The following DLG2 variants were observed in gnomAD, a reference collection of about 807,000 sequenced individuals.
The protein encoded by DLG2 is disks large homolog 2.
Under a neutral mutation model 132.5 loss-of-function variants are expected in DLG2, and 45 were observed. The observed-to-expected ratio is 0.34, with a 90% CI of 0.27 to 0.44. The LOEUF is 0.44. DLG2 is among the 20% of genes least tolerant of loss of function. The pLI, the probability that DLG2 is intolerant of heterozygous loss-of-function variation, is 1.00. For missense variants in DLG2, 1,045 were observed against 1,196.9 expected, an observed-to-expected ratio of 0.87 and a Z score of 1.87; for synonymous variants, 424 against 419.6, an observed-to-expected ratio of 1.01 and a Z score of -0.13.
intron 21 of DLG2, among the ~76,000 whole-genome samples, chr11:83,521,282 C>G (rs1425434401): frequency 6.6e-6 from 1 of 152,214 alleles, no homozygotes; most frequent in Non-Finnish European, 1.5e-5. Context: ...TTTCCAGTAT[C>G]CACAAAGAAT....
At chr11:84,795,450 G>C (rs2074453040) in intron 6 of DLG2, among the ~76,000 whole-genome samples, 1 of 151,866 alleles carries the variant, frequency 6.6e-6, no homozygotes, top group African/African-American at 2.4e-5. Flanking sequence ...TCCCTGCTGA[G>C]AGCTGGACAC....
intron 7 of DLG2, among the ~76,000 whole-genome samples, chr11:84,416,361 T>C (rs538085385): frequency 5.3e-5 from 8 of 152,194 alleles, no homozygotes; most frequent in Non-Finnish European, 1.2e-4. Flanking sequence ...GAGATGTCTA[T>C]GGATGTACAG....
intron 3 of DLG2, among the ~76,000 whole-genome samples, chr11:85,553,493 A>G (rs2076777383): frequency 6.6e-6 from 1 of 150,376 alleles, no homozygotes; most frequent in Non-Finnish European, 1.5e-5. Context: ...ATCTGTTTGT[A>G]TTTTTGGTAG....
At chr11:83,905,190 T>A (rs997485052) in intron 15 of DLG2, among the ~76,000 whole-genome samples, 1 of 152,158 alleles carries the variant, frequency 6.6e-6, no homozygotes, top group African/African-American at 2.4e-5. Flanking sequence ...CTCACATTGA[T>A]CCTATTGGGT....
chr11:85,527,057 C>T (rs1196678329), intron 3 of DLG2, among the ~76,000 whole-genome samples: 2 of 151,926 alleles, frequency 1.3e-5, no homozygotes, highest in African/African-American at 4.8e-5. Context: ...TTAAAATGGG[C>T]AAGAGTCTTG....
rs576053455 is a variant in DLG2, at chr11:83,637,547, A to C, written c.1826-4222T>G. On this transcript the variant is annotated intron_variant, in intron 18 of 27. Coordinates refer to ENST00000376104, the MANE Select transcript of DLG2 (RefSeq NM_001142699.3). ...ACAAAAGTCATAGAGCTACTAGGTA[A>C]CAGAGCTCATTGAACATGGAGCTAG... is the stretch of plus-strand genomic sequence containing the variant. Among the ~76,000 whole-genome samples, 32 of 152,104 alleles carry C rather than the reference A, an allele frequency of 2.1e-4. 1 individual carries two copies. The South Asian group carries it at 6.4e-3, about 31-fold the overall frequency.
At chr11:83,611,283 G>T (rs187272190) in intron 19 of DLG2, among the ~76,000 whole-genome samples, 1 of 152,178 alleles carries the variant, frequency 6.6e-6, no homozygotes. Flanking sequence ...TATTGAGAAG[G>T]GGGGAAGGGG....
At chr11:84,074,836 C>G (rs1377219664) in intron 10 of DLG2, among the ~76,000 whole-genome samples, 1 of 152,068 alleles carries the variant, frequency 6.6e-6, no homozygotes, top group Non-Finnish European at 1.5e-5. Flanking sequence ...CCCACAGTTT[C>G]TAATTTTTAA....
chr11:83,746,176 C>T (rs1298068030), intron 18 of DLG2, among the ~76,000 whole-genome samples: 4 of 152,228 alleles, frequency 2.6e-5, no homozygotes, highest in South Asian at 4.1e-4. Context: ...TGGCGATTCC[C>T]CAGGGATCTA....
intron 17 of DLG2, among the ~76,000 whole-genome samples, chr11:83,825,695 C>T (rs1251575973): frequency 2.6e-5 from 4 of 152,086 alleles, no homozygotes; most frequent in Non-Finnish European, 4.4e-5. Flanking sequence ...GACAGGGCTG[C>T]TGCTCCGTCC....
chr11:85,384,118 C>G lies in DLG2; in HGVS notation c.41-98753G>C, dbSNP rs569248289. Among the ~76,000 whole-genome samples the G allele has an allele frequency of 3.9e-5, 6 of 152,254 alleles. No individual in the cohort carries two copies. The East Asian group carries it at 1.2e-3, about 29-fold the overall frequency. On this transcript the variant is annotated intron_variant, in intron 3 of 27. Coordinates refer to ENST00000376104, the MANE Select transcript of DLG2 (RefSeq NM_001142699.3). ...TGTCTCCTTTCCCCCTACTGAACAGCAGGTCTTATAATACATATGAAAGTC... is the reference window on the plus strand; with the variant it reads ...TGTCTCCTTTCCCCCTACTGAACAGGAGGTCTTATAATACATATGAAAGTC...
At chr11:84,766,724 G>T (rs1419430116) in intron 6 of DLG2, among the ~76,000 whole-genome samples, 1 of 151,986 alleles carries the variant, frequency 6.6e-6, no homozygotes, top group East Asian at 1.9e-4. Context: ...TACGTTTATT[G>T]TTTAGGGTAA....
chr11:83,881,535 A>T (rs1174241884), intron 15 of DLG2, among the ~76,000 whole-genome samples: 1 of 152,180 alleles, frequency 6.6e-6, no homozygotes, highest in Admixed American at 6.5e-5. Flanking sequence ...TATTTAAGTC[A>T]TTGATTATAA....
intron 7 of DLG2, among the ~76,000 whole-genome samples, chr11:84,293,799 T>G (rs1192648888): frequency 6.6e-6 from 1 of 152,180 alleles, no homozygotes; most frequent in Non-Finnish European, 1.5e-5. Context: ...GAAGAGATGA[T>G]TATATGGACA....
intron 6 of DLG2, among the ~76,000 whole-genome samples, chr11:84,571,245 T>C (rs1195655529): frequency 6.6e-6 from 1 of 152,134 alleles, no homozygotes; most frequent in East Asian, 1.9e-4. Flanking sequence ...CTTTCTCTTC[T>C]TTTTTCCCAT....
intron 5 of DLG2, among the ~76,000 whole-genome samples, chr11:85,145,795 A>G (rs1321577044): frequency 1.3e-5 from 2 of 151,982 alleles, no homozygotes; most frequent in Non-Finnish European, 2.9e-5. Flanking sequence ...TCTGTTTCTG[A>G]AAGTTCATCT....
At chr11:84,745,864 T>C (rs1169721914) in intron 6 of DLG2, among the ~76,000 whole-genome samples, 1 of 152,198 alleles carries the variant, frequency 6.6e-6, no homozygotes, top group African/African-American at 2.4e-5. Context: ...TTAATAAATA[T>C]TCCCATTCAA....
chr11:83,689,945 T>TTA (rs986426508), intron 18 of DLG2, among the ~76,000 whole-genome samples: 1 of 139,000 alleles, frequency 7.2e-6, no homozygotes, highest in African/African-American at 2.6e-5. Context: ...ATAATATATA[T>TTA]TATATATATT....
intron 6 of DLG2, among the ~76,000 whole-genome samples, chr11:84,830,262 G>A (rs893978138): frequency 6.6e-6 from 1 of 151,414 alleles, no homozygotes; most frequent in South Asian, 2.1e-4. Flanking sequence ...TAACTATTCT[G>A]TGCCATAGAT....
Sources: allele counts gnomAD v4.1 joint callset (sites outside exome capture counted in the v4.1 genomes callset), GRCh38; gene constraint gnomAD v4.1.1; transcripts MANE v1.5; gene names NCBI Gene and HGNC (gene_info 2026-07-23, HGNC 2026-07-21).